CAMSAP1: variants seen among roughly 807,000 people sequenced by gnomAD.
The protein encoded by CAMSAP1 is calmodulin regulated spectrin associated protein 1.
Under a neutral mutation model 143.5 loss-of-function variants are expected in CAMSAP1, and 58 were observed. The ratio of observed to expected loss-of-function variants is 0.40; its 90% CI spans 0.33 to 0.50. The LOEUF is 0.50. Ranked by LOEUF, CAMSAP1 falls within the 20% of genes least tolerant of loss-of-function variation. CAMSAP1 has a pLI of 0.45. For missense variants in CAMSAP1, 1,969 were observed against 2,115.7 expected, an observed-to-expected ratio of 0.93 and a Z score of 1.36; for synonymous variants, 945 against 859.3, an observed-to-expected ratio of 1.10 and a Z score of -1.74.
intron 7 of CAMSAP1, 58 bp from the exon 8 acceptor site, chr9:135,827,642 C>T: frequency 7.1e-7 from 1 of 1,414,718 alleles, no homozygotes; most frequent in Admixed American, 2.5e-5. Context: ...GCACAGAAAA[C>T]CTAACCTGCA....
At position 135,859,662 on chromosome 9, in the gene CAMSAP1, G is replaced by A. The variant is rs574890310; in HGVS notation, c.808+2805C>T. On this transcript the variant is annotated intron_variant, in intron 5 of 16. Coordinates refer to ENST00000389532, the MANE Select transcript of CAMSAP1 (RefSeq NM_015447.4). ...CCACCTCGGCCTCCCAAAGTGCTGG[G>A]ATTACAGGGGTGAGCCACCGCGCCT... Among the ~76,000 whole-genome samples the A allele has an allele frequency of 2.0e-5, 3 of 151,962 alleles. No homozygotes were observed. In the South Asian group the frequency reaches 6.2e-4, roughly 32 times the overall value.
At chr9:135,872,697 T>C (rs1402271317) in intron 3 of CAMSAP1, among the ~76,000 whole-genome samples, 2 of 152,240 alleles carry the variant, frequency 1.3e-5, no homozygotes, top group East Asian at 3.8e-4. Context: ...TCACAAGCAC[T>C]CTTGAATCCA....
intron 5 of CAMSAP1, among the ~76,000 whole-genome samples, chr9:135,855,888 T>C (rs1836945242): frequency 6.7e-6 from 1 of 150,206 alleles, no homozygotes; most frequent in Non-Finnish European, 1.5e-5. Flanking sequence ...CTGTCTCTAC[T>C]AAAAATACAA....
Position 135,818,863 on chromosome 9 carries a change from G to T in CAMSAP1, c.3959+147C>A. ...CTGAAGATCAGCAGGGGCCGTGAAA[G>T]TTCGGGGAGGTGGTCCATGGGAGGA... is the stretch of plus-strand genomic sequence containing the variant. On this transcript the variant is annotated intron_variant, in intron 12 of 16. Transcript: ENST00000389532. The surrounding 1 kb of genome is among the most constrained non-coding windows in gnomAD (Gnocchi z 7.7). 1 of 1,335,106 alleles carries T rather than the reference G, an allele frequency of 7.5e-7. No homozygotes were observed. Among genetic ancestry groups the T allele is most frequent in the Non-Finnish European group, 1.0e-6 (1 of 989,212 alleles). The allele number at this position is 1,335,106 out of a possible 1,614,324, so 82.7% of individuals were successfully genotyped here.
intron 16 of CAMSAP1, among the ~76,000 whole-genome samples, chr9:135,814,042 C>T (rs1230447909): frequency 6.6e-6 from 1 of 152,194 alleles, no homozygotes; most frequent in Non-Finnish European, 1.5e-5. Context: ...CTGAGGGCCA[C>T]GAGTCCTTCC....
Position 135,902,166 on chromosome 9 carries a change from T to G in CAMSAP1, c.160+4834A>C, listed in dbSNP as rs564530109. Among the ~76,000 whole-genome samples, 5 of 152,326 alleles carry G rather than the reference T, an allele frequency of 3.3e-5. No individual in the cohort carries two copies. The South Asian group carries it at 1.0e-3, about 32-fold the overall frequency. On this transcript the variant is annotated intron_variant, in intron 1 of 16. Coordinates refer to ENST00000389532, the MANE Select transcript of CAMSAP1 (RefSeq NM_015447.4). ...AACTCCCACAGTATTTAGTACCACC[T>G]AACAGGTGCTCAGGAAGCATTTGAA...
chr9:135,818,997 G>A lies in CAMSAP1; in HGVS notation c.3959+13C>T. 6.2e-7 allele frequency: 1 copy of A among 1,603,798 alleles called. No individual in the cohort carries two copies. The highest frequency in any genetic ancestry group is 1.7e-5 in the Admixed American group (1 of 59,740). Reference sequence around the variant, plus strand: ...CCTGCTCAGTCTGCTTTCCCCCCCGGCGGGACGCTTACCGGGCTTCGTCAC... The same window carrying A: ...CCTGCTCAGTCTGCTTTCCCCCCCGACGGGACGCTTACCGGGCTTCGTCAC... On this transcript the variant is annotated intron_variant, in intron 12 of 16. Coordinates refer to ENST00000389532, the MANE Select transcript of CAMSAP1 (RefSeq NM_015447.4). This position sits in a 1 kb window ranked among gnomAD's most constrained non-coding sequence, Gnocchi z 7.7.
At chr9:135,846,632 T>C (rs899816076) in intron 7 of CAMSAP1, among the ~76,000 whole-genome samples, 6 of 132,702 alleles carry the variant, frequency 4.5e-5, no homozygotes, top group African/African-American at 1.8e-4. Context: ...TCTATCCAAC[T>C]GACAAAGGGC....
chr9:135,840,955 T>G (rs114549098), intron 7 of CAMSAP1, among the ~76,000 whole-genome samples: 2,051 of 152,088 alleles, frequency 0.013, 58 homozygotes, highest in African/African-American at 0.047. Context: ...TTGCAGGAGT[T>G]TTTTTTCATA....
chr9:135,819,567 C>T (rs1835367629), intron 11 of CAMSAP1, among the ~76,000 whole-genome samples: 2 of 151,446 alleles, frequency 1.3e-5, no homozygotes, highest in Admixed American at 1.3e-4. Context: ...GATGTGGTGG[C>T]TCACGCCTGT....
chr9:135,813,947 C>T (rs902249149), intron 16 of CAMSAP1, among the ~76,000 whole-genome samples: 1 of 152,218 alleles, frequency 6.6e-6, no homozygotes, highest in Non-Finnish European at 1.5e-5. Context: ...GGCCTAGCCC[C>T]GCCTCTGTCT....
intron 14 of CAMSAP1, among the ~76,000 whole-genome samples, chr9:135,817,177 G>A (rs1402459890): frequency 1.3e-5 from 2 of 152,130 alleles, no homozygotes; most frequent in South Asian, 2.1e-4. Flanking sequence ...GCCATTCATC[G>A]CCCCAAACCA....
Position 135,907,064 on chromosome 9 carries a change from G to A in CAMSAP1, c.96C>T (p.Tyr32=). The stretch of plus-strand genomic sequence containing the variant: ...CGGCGATCTTGGCGCGCGCCGCGTC[G>A]TAGCGGTCCAGGGGCACGAGGTCGG... The part of the protein sequence containing the change: ...GAADLVPLDR[Y]DAARAKIAAN... The change falls in exon 1 of 17, where the codon TAC becomes TAT. Residue 32 remains tyrosine, a synonymous_variant. Coordinates refer to ENST00000389532, the MANE Select transcript of CAMSAP1 (RefSeq NM_015447.4). The A allele has an allele frequency of 8.3e-7, 1 of 1,209,028 alleles. No individual in the cohort carries two copies. The highest frequency in any genetic ancestry group is 1.0e-6 in the Non-Finnish European group (1 of 961,212). 74.9% of individuals were successfully genotyped at this position (1,209,028 alleles called of 1,614,324 possible). A position where few individuals can be genotyped will look rare whatever the true frequency, so the allele number is the denominator to read the frequency against.
intron 1 of CAMSAP1, among the ~76,000 whole-genome samples, chr9:135,902,844 G>T (rs755173455): frequency 6.6e-6 from 1 of 152,258 alleles, no homozygotes; most frequent in South Asian, 2.1e-4. Context: ...ACAGGGCCAC[G>T]TGCTGTCAGT....
Position 135,907,353 on chromosome 9 carries a change from G to A in CAMSAP1, c.-194C>T, listed in dbSNP as rs1488308644. On this transcript the variant is annotated 5_prime_UTR_variant, in exon 1 of 17. Transcript: ENST00000389532. The stretch of plus-strand genomic sequence containing the variant: ...CCCCCGCGGCTGCTGCATGCTGCGG[G>A]CGCTGAGCCCGAGCGGAGGAGGTGC... The A allele has an allele frequency of 2.2e-5, 4 of 184,352 alleles. No individual in the cohort carries two copies. The South Asian group carries it at 6.4e-4, about 30-fold the overall frequency. 11.4% of individuals were successfully genotyped at this position (184,352 alleles called of 1,614,324 possible).
chr9:135,847,143 C>G (rs907420705), intron 7 of CAMSAP1, among the ~76,000 whole-genome samples: 2 of 151,262 alleles, frequency 1.3e-5, no homozygotes, highest in African/African-American at 4.9e-5. Flanking sequence ...GTCAAGAGAT[C>G]GAGACCATCC....
intron 4 of CAMSAP1, chr9:135,865,471 C>T (rs961373623): frequency 2.7e-6 from 3 of 1,109,486 alleles, no homozygotes; most frequent in East Asian, 2.6e-5. Context: ...ACGGCAGAGG[C>T]GGGAGAGCCT....
chr9:135,887,353 C>T (rs1564459040), intron 1 of CAMSAP1, among the ~76,000 whole-genome samples: 2 of 152,222 alleles, frequency 1.3e-5, no homozygotes, highest in Non-Finnish European at 2.9e-5. Context: ...ACTCAGCTGG[C>T]AGCCTCGGGA....
intron 5 of CAMSAP1, 73 bp downstream of exon 5, chr9:135,862,394 T>C (rs1046988016): frequency 2.1e-6 from 3 of 1,423,798 alleles, no homozygotes; most frequent in Non-Finnish European, 2.8e-6. Flanking sequence ...TTAATATATA[T>C]GTGGATCAAT....
Sources: allele counts gnomAD v4.1 joint callset (sites outside exome capture counted in the v4.1 genomes callset), GRCh38; gene constraint gnomAD v4.1.1; non-coding constraint Gnocchi (gnomAD v3.1); transcripts MANE v1.5; gene names NCBI Gene and HGNC (gene_info 2026-07-23, HGNC 2026-07-21).